The following DPP10 variants were observed in gnomAD, a reference collection of about 807,000 sequenced individuals.
The protein encoded by DPP10 is dipeptidyl peptidase like 10.
Under a neutral mutation model 120.9 loss-of-function variants are expected in DPP10, and 33 were observed. The observed-to-expected ratio is 0.27, with a 90% CI of 0.21 to 0.37. The LOEUF (loss-of-function observed/expected upper bound fraction) is 0.37, where lower values mean the gene tolerates loss of function less well. Among genes scored for constraint, DPP10 ranks in the 10% least tolerant of loss-of-function variants. The pLI, the probability that DPP10 is intolerant of heterozygous loss-of-function variation, is 1.00. For synonymous variants in DPP10, 337 were observed against 326.1 expected (o/e 1.03, Z -0.36); for missense variants, 816 against 942.8 (o/e 0.87, Z 1.76).
At chr2:114,982,577 T>C (rs1352052800) in intron 1 of DPP10, among the ~76,000 whole-genome samples, 2 of 152,062 alleles carry the variant, frequency 1.3e-5, no homozygotes, top group Non-Finnish European at 2.9e-5. Flanking sequence ...CAAAATTATT[T>C]TTTACTTCAA....
At chr2:114,483,417 C>A (rs1019220123) in intron 1 of DPP10, among the ~76,000 whole-genome samples, 1 of 151,772 alleles carries the variant, frequency 6.6e-6, no homozygotes, top group African/African-American at 2.4e-5. Flanking sequence ...AAAACAAGTA[C>A]CATAAAGTAT....
chr2:115,276,030 A>G (rs922275608), intron 1 of DPP10, among the ~76,000 whole-genome samples: 1 of 152,220 alleles, frequency 6.6e-6, no homozygotes, highest in Non-Finnish European at 1.5e-5. Flanking sequence ...TCTTGGTGGC[A>G]GAAACATCTT....
Position 115,648,790 on chromosome 2 carries a change from G to A in DPP10, c.442-40897G>A, listed in dbSNP as rs759042814. On this transcript the variant is annotated intron_variant, in intron 5 of 25. Coordinates refer to ENST00000410059, the MANE Select transcript of DPP10 (RefSeq NM_020868.6). The stretch of plus-strand genomic sequence containing the variant: ...TGAAGTGAGAGTTCAGATTAGTGGC[G>A]TGGAGAGTCCAACCCAGTTGGAAAG... 3.9e-5 allele frequency among the ~76,000 whole-genome samples: 6 copies of A among 152,152 alleles called. No homozygotes were observed. The East Asian group carries it at 5.8e-4, about 15-fold the overall frequency.
chr2:115,136,683 TA>T (rs1039871775), intron 1 of DPP10, among the ~76,000 whole-genome samples: 1 of 151,810 alleles, frequency 6.6e-6, no homozygotes, highest in Admixed American at 6.6e-5. Flanking sequence ...AAAGCAGACA[TA>T]ATGATTTACA....
intron 1 of DPP10, among the ~76,000 whole-genome samples, chr2:115,031,905 T>C (rs1278794815): frequency 6.6e-6 from 1 of 152,180 alleles, no homozygotes; most frequent in African/African-American, 2.4e-5. Context: ...TCATCCTATA[T>C]ATAATATACT....
intron 1 of DPP10, among the ~76,000 whole-genome samples, chr2:115,214,004 A>T (rs569562574): frequency 1.8e-4 from 28 of 152,330 alleles, no homozygotes; most frequent in African/African-American, 6.7e-4. Flanking sequence ...GAGTAAAATA[A>T]TTTTTATAAA....
Position 114,763,161 on chromosome 2 carries a change from G to T in DPP10, c.60+320323G>T, listed in dbSNP as rs142546903. Among the ~76,000 whole-genome samples, 674 of 152,232 alleles carry T rather than the reference G, an allele frequency of 4.4e-3. 8 individuals carry two copies. The highest frequency in any genetic ancestry group is 0.015 in the African/African-American group (612 of 41,564). ...CAAGCCATGAAAGGGCTGGTGCTTT[G>T]GGAGATACCGCAGGCCAGTCTGGCT... On this transcript the variant is annotated intron_variant, in intron 1 of 25. Transcript: ENST00000410059.
chr2:114,912,163 C>A (rs1019672092), intron 1 of DPP10, among the ~76,000 whole-genome samples: 1 of 152,088 alleles, frequency 6.6e-6, no homozygotes, highest in Non-Finnish European at 1.5e-5. Context: ...CATGCATATA[C>A]ATTTACATTT....
intron 13 of DPP10, among the ~76,000 whole-genome samples, chr2:115,772,720 G>C (rs1681623535): frequency 6.6e-6 from 1 of 152,082 alleles, no homozygotes; most frequent in Non-Finnish European, 1.5e-5. Flanking sequence ...TCAAACTTCT[G>C]AATTCTCATC....
At chr2:115,723,365 C>T (rs1005822692) in intron 7 of DPP10, among the ~76,000 whole-genome samples, 1 of 152,090 alleles carries the variant, frequency 6.6e-6, no homozygotes, top group African/African-American at 2.4e-5. Context: ...TGTCACTTGA[C>T]GATATCTCAG....
chr2:114,712,682 A>G (rs1253074889), intron 1 of DPP10, among the ~76,000 whole-genome samples: 2 of 152,178 alleles, frequency 1.3e-5, no homozygotes, highest in Non-Finnish European at 2.9e-5. Flanking sequence ...TTATTACAGA[A>G]ATTTTGAAAA....
intron 3 of DPP10, among the ~76,000 whole-genome samples, chr2:115,464,546 A>G (rs893517186): frequency 6.6e-6 from 1 of 152,154 alleles, no homozygotes; most frequent in African/African-American, 2.4e-5. Flanking sequence ...GCTTCAAACA[A>G]ACATGTGTGA....
chr2:114,449,651 C>G (rs967094727), intron 1 of DPP10, among the ~76,000 whole-genome samples: 1 of 151,962 alleles, frequency 6.6e-6, no homozygotes, highest in Non-Finnish European at 1.5e-5. Flanking sequence ...GGCAATTAAC[C>G]CTGTTAAGGA....
chr2:115,038,791 T>A (rs940499192), intron 1 of DPP10, among the ~76,000 whole-genome samples: 2 of 152,134 alleles, frequency 1.3e-5, no homozygotes, highest in African/African-American at 4.8e-5. Flanking sequence ...CCCAGAGAGG[T>A]AGAATAACTT....
At chr2:115,386,250 A>G (rs2066921891) in intron 3 of DPP10, among the ~76,000 whole-genome samples, 1 of 152,264 alleles carries the variant, frequency 6.6e-6, no homozygotes, top group African/African-American at 2.4e-5. Context: ...TGTGTTATAA[A>G]AAGAGTATAG....
chr2:114,615,940 A>G (rs1051116400), intron 1 of DPP10, among the ~76,000 whole-genome samples: 1 of 152,172 alleles, frequency 6.6e-6, no homozygotes, highest in African/African-American at 2.4e-5. Context: ...TATAATGGTA[A>G]TTATAATATA....
intron 1 of DPP10, among the ~76,000 whole-genome samples, chr2:114,842,848 G>A (rs13430976): frequency 0.25 from 38,315 of 151,812 alleles, 8,492 homozygotes; most frequent in African/African-American, 0.6. Context: ...GGACCTCACC[G>A]GAGACAAAAA....
chr2:115,505,860 A>T (rs908776761), intron 4 of DPP10, among the ~76,000 whole-genome samples: 1 of 152,150 alleles, frequency 6.6e-6, no homozygotes, highest in African/African-American at 2.4e-5. Context: ...AAAGATGGGT[A>T]TGGGAGCTGA....
chr2:115,340,744 A>G (rs951638255), intron 2 of DPP10, among the ~76,000 whole-genome samples: 4 of 151,572 alleles, frequency 2.6e-5, no homozygotes, highest in South Asian at 2.1e-4. Flanking sequence ...ATGCATGCAT[A>G]TAAAAGAAAT....
Sources: gnomAD v4.1 joint callset for allele counts (sites outside exome capture counted in the v4.1 genomes callset) on GRCh38, gnomAD v4.1.1 for gene constraint, MANE v1.5 for transcripts, NCBI Gene and HGNC (gene_info 2026-07-23, HGNC 2026-07-21) for gene names.